SP140L: variants seen among roughly 807,000 people sequenced by gnomAD.
The protein encoded by SP140L is SP140 like nuclear body protein, also known as nuclear body protein SP140-like protein.
Under a neutral mutation model 84.3 loss-of-function variants are expected in SP140L, and 64 were observed. The observed-to-expected ratio is 0.76, with a 90% CI of 0.62 to 0.94. The LOEUF (loss-of-function observed/expected upper bound fraction) is 0.94. Among genes scored for constraint, SP140L ranks in the 40% least tolerant of loss-of-function variants. The pLI, the probability that SP140L is intolerant of heterozygous loss-of-function variation, is 0.00. For synonymous variants in SP140L, 242 were observed against 236.9 expected (o/e 1.02, Z -0.20); for missense variants, 628 against 692.5 (o/e 0.91, Z 1.05).
chr2:230,340,975 G>C (rs879475855), intron 2 of SP140L, among the ~76,000 whole-genome samples: 268 of 111,678 alleles, frequency 2.4e-3, no homozygotes, highest in African/African-American at 2.5e-3. Context: ...GTGTCTTGGA[G>C]TTGCTCTTCT....
At chr2:230,398,865 T>C (rs910872263) in intron 14 of SP140L, among the ~76,000 whole-genome samples, 9 of 152,178 alleles carry the variant, frequency 5.9e-5, no homozygotes, top group African/African-American at 2.2e-4. Flanking sequence ...GAGAGTGTGA[T>C]TGGCTTGTTT....
At chr2:230,399,855 C>T (rs577874502) in intron 14 of SP140L, 3 of 314,328 alleles carry the variant, frequency 9.5e-6, no homozygotes, top group African/African-American at 6.2e-5. Flanking sequence ...TAAGATCATC[C>T]TCTTGCTTTG....
rs2062342456 is a variant in SP140L, at chr2:230,401,571, C to T, written c.1501-93C>T. On this transcript the variant is annotated intron_variant, in intron 17 of 18. Transcript: ENST00000415673. ...CACACGCTGTCATTAGTTGCCTTCACCTTGTTGTATTTCTGCTGGATTTTA... is the reference window on the plus strand; with the variant it reads ...CACACGCTGTCATTAGTTGCCTTCATCTTGTTGTATTTCTGCTGGATTTTA... 13 of 1,049,100 alleles carry T rather than the reference C, an allele frequency of 1.2e-5. 3 individuals are homozygous for T. The Middle Eastern group carries it at 1.0e-3, about 84-fold the overall frequency. 65.0% of individuals were successfully genotyped at this position (1,049,100 alleles called of 1,614,324 possible).
At chr2:230,364,916 A>G (rs1249247010) in intron 5 of SP140L, among the ~76,000 whole-genome samples, 1 of 152,118 alleles carries the variant, frequency 6.6e-6, no homozygotes, top group East Asian at 1.9e-4. Context: ...TTTGTCCTTC[A>G]TTCTATTAAT....
chr2:230,396,237 A>G (rs982131819), intron 13 of SP140L, among the ~76,000 whole-genome samples: 1 of 152,230 alleles, frequency 6.6e-6, no homozygotes, highest in African/African-American at 2.4e-5. Flanking sequence ...GCTGAACAGT[A>G]GTACTTGGGC....
chr2:230,346,183 A>C (rs963114597), intron 2 of SP140L, among the ~76,000 whole-genome samples: 14 of 152,010 alleles, frequency 9.2e-5, no homozygotes, highest in Non-Finnish European at 1.5e-4. Flanking sequence ...TTTTTCTTTC[A>C]ATATTTTGAA....
chr2:230,328,654 AT>A, intron 1 of SP140L, 102 bp from the exon 2 acceptor site: 2 of 1,407,314 alleles, frequency 1.4e-6, no homozygotes, highest in Non-Finnish European at 1.9e-6. Context: ...TTTTGCACAT[AT>A]GCAAGTATTT....
chr2:230,330,159 G>A (rs1051969375), intron 2 of SP140L, among the ~76,000 whole-genome samples: 3 of 152,036 alleles, frequency 2.0e-5, no homozygotes, highest in African/African-American at 7.2e-5. Flanking sequence ...GGAGAGTCAT[G>A]GTTTTTTTCA....
rs778770058 is a variant in SP140L at position 230,327,231 on chromosome 2, G to A, written c.-39G>A. The A allele has an allele frequency of 1.9e-6, 3 of 1,596,772 alleles. No homozygotes were observed. Among genetic ancestry groups the A allele is most frequent in the Non-Finnish European group, 2.6e-6 (3 of 1,171,602 alleles). Reference sequence around the variant, plus strand: ...GCTGGGCCGACTGGGGAGCTCATAGGCCAGGCTCTGACACCCAGGCAGGGC... The same window carrying A: ...GCTGGGCCGACTGGGGAGCTCATAGACCAGGCTCTGACACCCAGGCAGGGC... On this transcript the variant is annotated 5_prime_UTR_variant, in exon 1 of 19. Transcript: ENST00000415673.
intron 5 of SP140L, among the ~76,000 whole-genome samples, chr2:230,364,691 C>T (rs1261786667): frequency 8.6e-5 from 13 of 151,908 alleles, no homozygotes; most frequent in Non-Finnish European, 1.5e-4. Context: ...CTAGAAGTGA[C>T]GAGAATGGAC....
chr2:230,351,386 T>G (rs1270609368), intron 2 of SP140L, among the ~76,000 whole-genome samples: 1 of 152,184 alleles, frequency 6.6e-6, no homozygotes, highest in Non-Finnish European at 1.5e-5. Context: ...TTAATTTTCT[T>G]TTATTTAAGC....
intron 2 of SP140L, among the ~76,000 whole-genome samples, chr2:230,345,116 T>C (rs1324976399): frequency 6.6e-6 from 1 of 152,216 alleles, no homozygotes; most frequent in Non-Finnish European, 1.5e-5. Flanking sequence ...CTTACTATTA[T>C]TGTATTGCTG....
intron 2 of SP140L, among the ~76,000 whole-genome samples, chr2:230,341,627 C>T (rs1247942399): frequency 6.7e-6 from 1 of 148,964 alleles, no homozygotes; most frequent in Non-Finnish European, 1.5e-5. Flanking sequence ...GTGGTTTTAT[C>T]TACTTTTGGT....
intron 7 of SP140L, among the ~76,000 whole-genome samples, chr2:230,381,845 C>G (rs1863672): frequency 0.23 from 34,966 of 152,024 alleles, 4,268 homozygotes; most frequent in Non-Finnish European, 0.28. Flanking sequence ...TTATGTGAGG[C>G]AAGCAAGTTA....
intron 7 of SP140L, among the ~76,000 whole-genome samples, chr2:230,377,371 G>A (rs13012177): frequency 0.23 from 34,971 of 151,932 alleles, 4,256 homozygotes; most frequent in Non-Finnish European, 0.28. Flanking sequence ...CGTTTCTGGA[G>A]TTTCATATAA....
chr2:230,361,568 G>A, intron 4 of SP140L, 46 bp from the exon 5 acceptor site: 1 of 1,458,912 alleles, frequency 6.9e-7, no homozygotes, highest in South Asian at 1.2e-5. Flanking sequence ...GTTGTCCCTG[G>A]TTCTCACAGA....
At position 230,357,877 on chromosome 2, in the gene SP140L, T is replaced by G; in HGVS notation, c.180T>G (p.His60Gln). Residue 60 changes from histidine to glutamine, a missense_variant, in exon 3 of 19, where the codon CAT becomes CAG. By Grantham distance (24) the His-to-Gln change is conservative. This residue lies in a region of SP140L where 525 missense variants were observed against 518.4 expected (regional missense o/e 1.01). Transcript: ENST00000415673. ...CTGTATTCAAGCACTTCAAAAGACA[T>G]AAGCTGGAGATATCAAATGCAATAA... Reference protein sequence around the residue: ...YDTVFKHFKRHKLEISNAIKK... With the variant: ...YDTVFKHFKRQKLEISNAIKK... The G allele has an allele frequency of 6.2e-7, 1 of 1,614,082 alleles. No homozygotes were observed. Among genetic ancestry groups the G allele is most frequent in the South Asian group, 1.1e-5 (1 of 91,074 alleles).
chr2:230,341,764 G>C (rs1487490310), intron 2 of SP140L, among the ~76,000 whole-genome samples: 1 of 152,210 alleles, frequency 6.6e-6, no homozygotes, highest in African/African-American at 2.4e-5. Context: ...TGAGGTGTCA[G>C]TGTGCCCCTG....
At chr2:230,383,416 A>C in intron 7 of SP140L, 94 bp from the exon 8 acceptor site, 1 of 1,355,250 alleles carries the variant, frequency 7.4e-7, no homozygotes, top group South Asian at 1.5e-5. Context: ...TGTGGACCAA[A>C]GTATGAAAAA....
Sources: gnomAD v4.1 joint callset for allele counts (sites outside exome capture counted in the v4.1 genomes callset) on GRCh38, gnomAD v4.1.1 for gene constraint, gnomAD v4.1.1 regional missense constraint, MANE v1.5 for transcripts, NCBI Gene and HGNC (gene_info 2026-07-23, HGNC 2026-07-21) for gene names.